Variants in LTBP1 observed in about 807,000 individuals in gnomAD.
LTBP1 encodes latent transforming growth factor beta binding protein 1.
In LTBP1, 129 loss-of-function variants were observed where a neutral mutation model predicts 207.6. That is an observed-to-expected ratio of 0.62 (90% CI 0.54 to 0.72). The LOEUF (loss-of-function observed/expected upper bound fraction) is 0.72. LTBP1 is among the 30% of genes least tolerant of loss of function. The pLI, the probability that LTBP1 is intolerant of heterozygous loss-of-function variation, is 0.00. For synonymous variants in LTBP1, 963 were observed against 833.7 expected (o/e 1.16, Z -2.67); for missense variants, 2,281 against 2,217.2 (o/e 1.03, Z -0.58).
chr2:33,347,296 C>T (rs967157722), intron 25 of LTBP1, 71 bp from the exon 26 acceptor site: 18 of 1,571,860 alleles, frequency 1.1e-5, no homozygotes, highest in Non-Finnish European at 1.5e-5. Flanking sequence ...TTAGCCCTGG[C>T]ACAGCTGGTA....
chr2:33,252,735 A>G lies in LTBP1; in HGVS notation c.2058A>G (p.Gly686=). 2 of 1,613,836 alleles carry G rather than the reference A, an allele frequency of 1.2e-6. No homozygotes were observed. The highest frequency in any genetic ancestry group is 1.7e-6 in the Non-Finnish European group (2 of 1,179,828). The change falls in exon 11 of 34, where the codon GGA becomes GGG. Residue 686 remains glycine, a synonymous_variant. Transcript: ENST00000404816. ...KGPCYRLVSS[G]RQCMHPLSVH... is the part of the protein sequence containing the mutation. ...CCTGTTACCGACTTGTCAGTTCTGG[A>G]AGACAGTGTATGCACCCTCTGTCTG...
chr2:33,101,794 G>A (rs1177271973), intron 3 of LTBP1, among the ~76,000 whole-genome samples: 1 of 152,042 alleles, frequency 6.6e-6, no homozygotes, highest in Non-Finnish European at 1.5e-5. Flanking sequence ...AAATGTAGTA[G>A]CTCGTTTTTT....
At chr2:33,120,623 T>C (rs960076586) in intron 4 of LTBP1, among the ~76,000 whole-genome samples, 1 of 152,240 alleles carries the variant, frequency 6.6e-6, no homozygotes, top group African/African-American at 2.4e-5. Context: ...ATGTCTTTGC[T>C]ATCGTGAATA....
At chr2:33,007,062 A>T (rs1687006686) in intron 2 of LTBP1, among the ~76,000 whole-genome samples, 1 of 152,130 alleles carries the variant, frequency 6.6e-6, no homozygotes, top group African/African-American at 2.4e-5. Flanking sequence ...CATCAGTGAC[A>T]TTTGAAAGGG....
At chr2:33,170,181 C>T (rs909807824) in intron 5 of LTBP1, among the ~76,000 whole-genome samples, 5 of 152,094 alleles carry the variant, frequency 3.3e-5, no homozygotes, top group Non-Finnish European at 5.9e-5. Flanking sequence ...GCACCGTGCT[C>T]GAGCCGAAGC....
intron 2 of LTBP1, among the ~76,000 whole-genome samples, chr2:32,956,358 A>G (rs1240809530): frequency 6.6e-6 from 1 of 152,174 alleles, no homozygotes; most frequent in Non-Finnish European, 1.5e-5. Flanking sequence ...CTTATCATCT[A>G]TGTTTATATA....
At chr2:33,352,859 C>T (rs188186261) in intron 26 of LTBP1, among the ~76,000 whole-genome samples, 8 of 152,260 alleles carry the variant, frequency 5.3e-5, no homozygotes, top group African/African-American at 1.9e-4. Flanking sequence ...ATACCTACAT[C>T]CAAGCCCATG....
At chr2:32,979,138 A>C (rs946552894) in intron 2 of LTBP1, among the ~76,000 whole-genome samples, 1 of 151,472 alleles carries the variant, frequency 6.6e-6, no homozygotes, top group Non-Finnish European at 1.5e-5. Context: ...CTTTTCAAGA[A>C]ACCAACTTTT....
chr2:32,970,646 T>A (rs916678852), intron 2 of LTBP1, among the ~76,000 whole-genome samples: 6 of 152,162 alleles, frequency 3.9e-5, no homozygotes, highest in East Asian at 1.9e-4. Flanking sequence ...ACCATGCTAT[T>A]TTGGTTACTG....
intron 7 of LTBP1, among the ~76,000 whole-genome samples, chr2:33,204,438 C>A (rs1021215959): frequency 6.6e-6 from 1 of 152,144 alleles, no homozygotes; most frequent in African/African-American, 2.4e-5. Flanking sequence ...TTGTATATTT[C>A]TAAATATTTT....
intron 3 of LTBP1, among the ~76,000 whole-genome samples, chr2:33,106,575 T>C (rs1572662370): frequency 6.6e-6 from 1 of 152,332 alleles, no homozygotes; most frequent in East Asian, 1.9e-4. Flanking sequence ...ACCAGGTGGA[T>C]TGTCAATGAG....
intron 3 of LTBP1, among the ~76,000 whole-genome samples, chr2:33,029,875 C>G (rs1173132234): frequency 1.3e-5 from 2 of 152,100 alleles, no homozygotes; most frequent in African/African-American, 4.8e-5. Context: ...TGTTTATTTT[C>G]AAAACAATAA....
At chr2:33,027,892 A>T (rs2075504504) in intron 3 of LTBP1, among the ~76,000 whole-genome samples, 1 of 152,212 alleles carries the variant, frequency 6.6e-6, no homozygotes, top group African/African-American at 2.4e-5. Flanking sequence ...CACCAAGCCC[A>T]ACTGGATATA....
intron 26 of LTBP1, among the ~76,000 whole-genome samples, chr2:33,357,475 A>G (rs1375081260): frequency 6.6e-6 from 1 of 152,208 alleles, no homozygotes; most frequent in Non-Finnish European, 1.5e-5. Context: ...TGGGGAAAGT[A>G]GTAGACATAG....
chr2:33,031,907 A>C (rs1460465298), intron 3 of LTBP1, among the ~76,000 whole-genome samples: 3 of 152,130 alleles, frequency 2.0e-5, no homozygotes, highest in Non-Finnish European at 2.9e-5. Flanking sequence ...TGGGGTGCTA[A>C]GAGAGTGTGA....
chr2:33,375,837 C>T (rs541390015), intron 31 of LTBP1, among the ~76,000 whole-genome samples: 72 of 151,872 alleles, frequency 4.7e-4, no homozygotes, highest in Admixed American at 8.5e-4. Flanking sequence ...CCACTGCGCC[C>T]GGCCTATGTT....
intron 3 of LTBP1, among the ~76,000 whole-genome samples, chr2:33,093,539 C>T (rs577340982): frequency 3.9e-5 from 6 of 152,102 alleles, no homozygotes; most frequent in East Asian, 1.9e-4. Flanking sequence ...TCATGGGCTC[C>T]GCATTTGCCA....
chr2:33,225,093 ATCTTTAAGT>A (rs946395029), intron 9 of LTBP1, among the ~76,000 whole-genome samples: 1 of 152,038 alleles, frequency 6.6e-6, no homozygotes, highest in Non-Finnish European at 1.5e-5. Context: ...TCATTTTCTT[ATCTTTAAGT>A]TCAAGTTTTA....
chr2:33,118,050 T>C (rs1232778251), intron 4 of LTBP1, among the ~76,000 whole-genome samples: 1 of 152,120 alleles, frequency 6.6e-6, no homozygotes, highest in Non-Finnish European at 1.5e-5. Flanking sequence ...TCCTCGCTGA[T>C]AGGTCCTGAC....
Sources: gnomAD v4.1 joint callset for allele counts (sites outside exome capture counted in the v4.1 genomes callset) on GRCh38, gnomAD v4.1.1 for gene constraint, MANE v1.5 for transcripts, NCBI Gene and HGNC (gene_info 2026-07-23, HGNC 2026-07-21) for gene names.